The following SCUBE2 variants were observed in gnomAD, a reference collection of about 807,000 sequenced individuals.
SCUBE2 encodes the protein signal peptide, CUB domain and EGF like domain containing 2.
A neutral mutation model predicts 125.9 loss-of-function variants in SCUBE2; 114 were observed. The ratio of observed to expected loss-of-function variants is 0.91; its 90% CI spans 0.78 to 1.06. The LOEUF (loss-of-function observed/expected upper bound fraction) is 1.06, where lower values mean the gene tolerates loss of function less well. Ranked by LOEUF, SCUBE2 falls within the 50% of genes least tolerant of loss-of-function variation. The probability of loss-of-function intolerance (pLI) is 0.00; values close to 1 mark genes in which losing one functional copy is unlikely to be tolerated. For missense variants in SCUBE2, 1,255 were observed against 1,301.8 expected (o/e 0.96, Z 0.55); for synonymous variants, 459 against 492.9 (o/e 0.93, Z 0.91).
Position 9,091,444 on chromosome 11 carries a change from C to CCAGCAGCAGCAGTGGCGGCAGCAG in SCUBE2, c.61_84dup (p.Leu21_Leu28dup). ...CCCCGACCCGGCGGGACGGCCCCCGCCAGCAGCAGCAGTGGCGGCAGCAGC... is the reference window on the plus strand; with the variant it reads ...CCCCGACCCGGCGGGACGGCCCCCGCCAGCAGCAGCAGTGGCGGCAGCAGCAGCAGCAGCAGTGGCGGCAGCAGC... On this transcript the variant is annotated inframe_insertion, in exon 1 of 23. Transcript: ENST00000649792. This position sits in a 1 kb window ranked among gnomAD's most constrained non-coding sequence, Gnocchi z 8.5. 7.5e-7 allele frequency: 1 copy of CCAGCAGCAGCAGTGGCGGCAGCAG among 1,331,108 alleles called. No homozygotes were observed. The highest frequency in any genetic ancestry group is 9.6e-7 in the Non-Finnish European group (1 of 1,044,548). The allele number at this position is 1,331,108 out of a possible 1,614,324, so 82.5% of individuals were successfully genotyped here.
At chr11:9,074,356 T>C (rs1861044046) in intron 4 of SCUBE2, 125 bp downstream of exon 4, 5 of 1,205,400 alleles carry the variant, frequency 4.1e-6, no homozygotes, top group Non-Finnish European at 5.7e-6. Context: ...GAGTCTGGAC[T>C]CGTCCTCAGG....
rs1468792525 is a variant in SCUBE2, at chr11:9,063,029, C to G, written c.851-2505G>C. 2.0e-5 allele frequency among the ~76,000 whole-genome samples: 3 copies of G among 151,698 alleles called. No individual in the cohort carries two copies. The East Asian group carries it at 5.8e-4, about 30-fold the overall frequency. ...GACGAGACAGGTGGGTCACATAGGC[C>G]AGGAGGTTGAGACCAGCCTGGCCAA... is the stretch of plus-strand genomic sequence containing the variant. On this transcript the variant is annotated intron_variant, in intron 7 of 22. Coordinates refer to ENST00000649792, the MANE Select transcript of SCUBE2 (RefSeq NM_001367977.2).
At chr11:9,067,327 A>G (rs1454856004) in intron 5 of SCUBE2, among the ~76,000 whole-genome samples, 2 of 152,372 alleles carry the variant, frequency 1.3e-5, no homozygotes, top group East Asian at 1.9e-4. Flanking sequence ...ACGTGACAGT[A>G]ACTGGTAATT....
intron 4 of SCUBE2, among the ~76,000 whole-genome samples, chr11:9,070,929 T>TCATC (rs1437467315): frequency 6.6e-6 from 1 of 152,234 alleles, no homozygotes; most frequent in African/African-American, 2.4e-5. Context: ...TGGGATTCAT[T>TCATC]CATCCATGCC....
chr11:9,047,981 A>G lies in SCUBE2; in HGVS notation c.1757T>C (p.Val586Ala), dbSNP rs1857973209. 5 of 1,613,802 alleles carry G rather than the reference A, an allele frequency of 3.1e-6. No homozygotes were observed. Among genetic ancestry groups the G allele is most frequent in the African/African-American group, 1.3e-5 (1 of 74,906 alleles). The change falls in exon 15 of 23, where the codon GTT becomes GCT. Residue 586 changes from valine (V) to alanine (A), a missense_variant. Transcript: ENST00000649792. ...PSTPKEMFIT[V>A]EFELETNQKE... ...TTGGTTAGTTTCAAGCTCAAACTCA[A>G]CAGTGATAAACATTTCCTTAGGGGT...
chr11:9,041,546 CAGGAGAGGG>C (rs578149477), intron 16 of SCUBE2, among the ~76,000 whole-genome samples: 22 of 152,188 alleles, frequency 1.4e-4, no homozygotes, highest in African/African-American at 5.3e-4. Context: ...AAAGTGTTTC[CAGGAGAGGG>C]AGTGATCAGC....
chr11:9,024,318 C>G (rs1855545569), intron 21 of SCUBE2: 10 of 1,216,286 alleles, frequency 8.2e-6, no homozygotes, highest in Non-Finnish European at 1.1e-5. Flanking sequence ...GGCTCTCTGT[C>G]TCTCTCAGCA....
intron 16 of SCUBE2, among the ~76,000 whole-genome samples, chr11:9,034,263 G>T (rs933798049): frequency 6.6e-6 from 1 of 152,190 alleles, no homozygotes; most frequent in Admixed American, 6.5e-5. Context: ...TTTGTGTCAG[G>T]CCTTGAAGGA....
rs995963202 is a variant in SCUBE2, at chr11:9,063,648, A to G, written c.850+2243T>C. 3.9e-5 allele frequency among the ~76,000 whole-genome samples: 6 copies of G among 152,318 alleles called. 1 individual carries two copies. Among genetic ancestry groups the G allele is most frequent in the African/African-American group, 1.2e-4 (5 of 41,562 alleles). On this transcript the variant is annotated intron_variant, in intron 7 of 22. Coordinates refer to ENST00000649792, the MANE Select transcript of SCUBE2 (RefSeq NM_001367977.2). Reference sequence around the variant, plus strand: ...GGCATGCAAATTTTTAAATACCTCTATCTCATTCGCCGGATAAACTAATGA... The same window carrying G: ...GGCATGCAAATTTTTAAATACCTCTGTCTCATTCGCCGGATAAACTAATGA...
intron 21 of SCUBE2, chr11:9,022,769 G>A (rs1291793206): frequency 6.6e-6 from 1 of 152,348 alleles, no homozygotes; most frequent in East Asian, 1.9e-4. Flanking sequence ...ATTACCAAAG[G>A]AGGGTCCCAG....
intron 13 of SCUBE2, among the ~76,000 whole-genome samples, chr11:9,051,182 TTATC>T (rs60575374): frequency 0.14 from 20,234 of 142,424 alleles, 1,421 homozygotes; most frequent in Middle Eastern, 0.21. Context: ...AAACAAAAAA[TTATC>T]TATCTATCTA....
chr11:9,053,796 T>A (rs1411525737), intron 10 of SCUBE2, 37 bp from the exon 11 acceptor site: 1 of 1,599,688 alleles, frequency 6.3e-7, no homozygotes, highest in Admixed American at 1.7e-5. Flanking sequence ...TAGCAGCCTG[T>A]CACTGAATGG....
At chr11:9,074,187 G>A (rs2135823109) in intron 4 of SCUBE2, among the ~76,000 whole-genome samples, 1 of 152,278 alleles carries the variant, frequency 6.6e-6, no homozygotes, top group East Asian at 1.9e-4. Context: ...TATTGCTCCT[G>A]AGACATCTAG....
At position 9,076,465 on chromosome 11, in the gene SCUBE2, T is replaced by A. The variant is rs180749064; in HGVS notation, c.383-1850A>T. On this transcript the variant is annotated intron_variant, in intron 3 of 22. Transcript: ENST00000649792. Reference sequence around the variant, plus strand: ...ACTCCTTGAGGACAGAGATTTTTGTTTTAATTAGCACAGCCCTGGAATACA... The same window carrying A: ...ACTCCTTGAGGACAGAGATTTTTGTATTAATTAGCACAGCCCTGGAATACA... Among the ~76,000 whole-genome samples, 303 of 152,132 alleles carry A rather than the reference T, an allele frequency of 2.0e-3. 1 individual carries two copies. The highest frequency in any genetic ancestry group is 4.9e-3 in the Admixed American group (75 of 15,292).
chr11:9,069,857 GAGAATCCTCCTA>G (rs1365376735), intron 4 of SCUBE2, among the ~76,000 whole-genome samples: 1 of 152,142 alleles, frequency 6.6e-6, no homozygotes, highest in Non-Finnish European at 1.5e-5. Flanking sequence ...AAGAGAAAAG[GAGAATCCTCCTA>G]AGAAAATGTT....
At chr11:9,085,298 T>C (rs138644766) in intron 2 of SCUBE2, among the ~76,000 whole-genome samples, 227 of 152,334 alleles carry the variant, frequency 1.5e-3, no homozygotes, top group African/African-American at 5.3e-3. Context: ...GTTTTGATAA[T>C]TGTACTATAG....
chr11:9,042,424 A>G (rs1344206754), intron 16 of SCUBE2, among the ~76,000 whole-genome samples: 2 of 151,854 alleles, frequency 1.3e-5, no homozygotes, highest in African/African-American at 2.4e-5. Context: ...CCATTCTACC[A>G]TCAGATGCAC....
In SCUBE2 at chr11:9,091,547, G is replaced by C. The variant is rs539799140; in HGVS notation, c.-19C>G. 5.7e-5 allele frequency: 35 copies of C among 615,254 alleles called. No individual in the cohort carries two copies. The African/African-American group carries it at 6.1e-4, about 11-fold the overall frequency. 38.1% of individuals were successfully genotyped at this position (615,254 alleles called of 1,614,324 possible). On this transcript the variant is annotated 5_prime_UTR_variant, in exon 1 of 23. Transcript: ENST00000649792. The surrounding 1 kb of genome is among the most constrained non-coding windows in gnomAD (Gnocchi z 8.5). ...CCCCCATGGATGGCTCAGCGGTTGC[G>C]GGCAGAGGCGGCGGAGTGCGGGCGG...
chr11:9,053,966 A>C (rs990992015), intron 10 of SCUBE2, among the ~76,000 whole-genome samples: 3 of 149,420 alleles, frequency 2.0e-5, no homozygotes, highest in African/African-American at 7.4e-5. Flanking sequence ...CAGGAGGCTC[A>C]ATAGGGCCTT....
Sources: allele counts gnomAD v4.1 joint callset (sites outside exome capture counted in the v4.1 genomes callset), GRCh38; gene constraint gnomAD v4.1.1; non-coding constraint Gnocchi (gnomAD v3.1); transcripts MANE v1.5; gene names NCBI Gene and HGNC (gene_info 2026-07-23, HGNC 2026-07-21).